Variants in UBA6 observed in about 807,000 individuals in gnomAD.
The protein encoded by UBA6 is ubiquitin like modifier activating enzyme 6.
In UBA6, 87 loss-of-function variants were observed where a neutral mutation model predicts 148.3. The ratio of observed to expected loss-of-function variants is 0.59; its 90% confidence interval spans 0.49 to 0.70. The LOEUF is 0.70. Among genes scored for constraint, UBA6 ranks in the 30% least tolerant of loss-of-function variants. UBA6 has a pLI of 0.00. For synonymous variants in UBA6, 376 were observed against 401.0 expected, an observed-to-expected ratio of 0.94 and a Z score of 0.75; for missense variants, 1,186 against 1,241.2, an observed-to-expected ratio of 0.96 and a Z score of 0.67.
At chr4:67,682,704 G>GT (rs1048867319) in intron 2 of UBA6, among the ~76,000 whole-genome samples, 3 of 152,154 alleles carry the variant, frequency 2.0e-5, no homozygotes, top group Non-Finnish European at 4.4e-5. Context: ...CCACAAGGTA[G>GT]TAACAGGATG....
chr4:67,683,760 T>C (rs1730495362), intron 2 of UBA6, among the ~76,000 whole-genome samples: 1 of 152,064 alleles, frequency 6.6e-6, no homozygotes, highest in South Asian at 2.1e-4. Flanking sequence ...CATTAGACAG[T>C]GCCAAACTGT....
intron 2 of UBA6, among the ~76,000 whole-genome samples, chr4:67,694,824 A>AG (rs1730793952): frequency 6.6e-6 from 1 of 152,214 alleles, no homozygotes. Flanking sequence ...CAAATTCTTA[A>AG]GGAAGATATT....
intron 14 of UBA6, among the ~76,000 whole-genome samples, chr4:67,648,191 G>A (rs971873609): frequency 9.2e-5 from 14 of 151,762 alleles, no homozygotes; most frequent in South Asian, 2.1e-4. Context: ...AAAATGAGCC[G>A]GGCGCAGTGG....
chr4:67,677,699 A>G lies in UBA6; in HGVS notation c.377T>C (p.Ile126Thr). 4 of 1,599,512 alleles carry G rather than the reference A, an allele frequency of 2.5e-6. No homozygotes were observed. Among genetic ancestry groups the G allele is most frequent in the Non-Finnish European group, 3.4e-6 (4 of 1,169,270 alleles). Residue 126 changes from isoleucine to threonine, a missense_variant, in exon 6 of 33, where the codon ATT becomes ACT. Physicochemically the swap from Ile to Thr is moderately conservative, Grantham distance 89. Transcript: ENST00000322244. ...RNRAEAVLKH[I>T]AELNPYVHVT... ...ATGAACGTATGGATTTAGTTCTGCA[A>G]TATGTTTAAGTACAGCTTCAGCCCT...
intron 2 of UBA6, among the ~76,000 whole-genome samples, chr4:67,691,416 GTAA>G (rs1213858536): frequency 2.0e-5 from 3 of 152,160 alleles, no homozygotes; most frequent in Non-Finnish European, 4.4e-5. Flanking sequence ...CTGCACTACT[GTAA>G]TAATTTTGTA....
At chr4:67,673,619 A>G in intron 7 of UBA6, 78 bp downstream of exon 7, 1 of 874,378 alleles carries the variant, frequency 1.1e-6, no homozygotes, top group South Asian at 1.6e-5. Flanking sequence ...TATATAACCC[A>G]TCAATGAGTT....
intron 28 of UBA6, 67 bp downstream of exon 28, chr4:67,626,293 G>T: frequency 1.2e-6 from 1 of 865,128 alleles, no homozygotes; most frequent in Non-Finnish European, 1.9e-6. Flanking sequence ...CAAATTCTTA[G>T]GTGTAGAGCT....
At chr4:67,639,885 C>A (rs1479128646) in intron 18 of UBA6, among the ~76,000 whole-genome samples, 1 of 152,174 alleles carries the variant, frequency 6.6e-6, no homozygotes, top group Non-Finnish European at 1.5e-5. Context: ...CTGTACTCAC[C>A]TATTTTCAGA....
chr4:67,629,372 T>C (rs1728945445), intron 26 of UBA6, among the ~76,000 whole-genome samples: 4 of 151,902 alleles, frequency 2.6e-5, no homozygotes, highest in Admixed American at 2.6e-4. Context: ...GTCAACAAAC[T>C]TGAAATTTTA....
intron 13 of UBA6, among the ~76,000 whole-genome samples, chr4:67,657,940 A>T (rs1447421449): frequency 1.3e-5 from 2 of 152,226 alleles, no homozygotes; most frequent in Non-Finnish European, 2.9e-5. Flanking sequence ...AGACACATGC[A>T]AAAATGCTCA....
chr4:67,685,603 G>C (rs1007657632), intron 2 of UBA6, among the ~76,000 whole-genome samples: 3 of 152,194 alleles, frequency 2.0e-5, no homozygotes, highest in African/African-American at 7.2e-5. Context: ...GTTTCCCGGA[G>C]TTTGTGTGTT....
At chr4:67,646,315 C>T (rs1222964765) in intron 15 of UBA6, among the ~76,000 whole-genome samples, 1 of 152,054 alleles carries the variant, frequency 6.6e-6, no homozygotes, top group Non-Finnish European at 1.5e-5. Context: ...TACGGATGGG[C>T]TTTGGAGCTG....
chr4:67,623,250 A>T (rs530453371), intron 30 of UBA6, 28 bp from the exon 31 acceptor site: 1 of 1,566,292 alleles, frequency 6.4e-7, no homozygotes, highest in South Asian at 1.1e-5. Context: ...TCAGAACAGA[A>T]ACATTGAAAT....
chr4:67,645,249 G>A (rs188317564), intron 16 of UBA6, among the ~76,000 whole-genome samples: 100 of 152,258 alleles, frequency 6.6e-4, no homozygotes, highest in African/African-American at 2.3e-3. Flanking sequence ...AAATGGCAGG[G>A]AGAGTTGTTT....
rs749380663 is a variant in UBA6, at chr4:67,623,143, C to T, written c.2920G>A (p.Ala974Thr). The T allele has an allele frequency of 6.2e-7, 1 of 1,611,060 alleles. No individual in the cohort carries two copies. The highest frequency in any genetic ancestry group is 8.5e-7 in the Non-Finnish European group (1 of 1,177,826). Residue 974 changes from alanine to threonine, a missense_variant, in exon 31 of 33, where the codon GCA becomes ACA. Transcript: ENST00000322244. ...GAACAAAAGTATCTCACTTTGACTG[C>T]ATTTATGAAATCCAAGAGGGTGAAA... ...EDFTLLDFINAVKEKYGIEPT... is the reference protein window; with the variant it reads ...EDFTLLDFINTVKEKYGIEPT...
At chr4:67,639,495 T>C (rs995936582) in intron 18 of UBA6, among the ~76,000 whole-genome samples, 3 of 152,178 alleles carry the variant, frequency 2.0e-5, no homozygotes, top group African/African-American at 7.2e-5. Flanking sequence ...CAGTAAAACA[T>C]TGGAAATCAA....
rs906147819 is a variant in UBA6 at position 67,618,695 on chromosome 4, T to A, written c.*302A>T. 2.7e-5 allele frequency: 6 copies of A among 223,358 alleles called. No homozygotes were observed. The highest frequency in any genetic ancestry group is 5.2e-5 in the Non-Finnish European group (6 of 115,248). 13.8% of individuals were successfully genotyped at this position (223,358 alleles called of 1,614,324 possible). Reference sequence around the variant, plus strand: ...CCATATCTGTTCTGGTCATACATATTTTTTCCTTCTTTTTATCCAGAGAGA... The same window carrying A: ...CCATATCTGTTCTGGTCATACATATATTTTCCTTCTTTTTATCCAGAGAGA... On this transcript the variant is annotated 3_prime_UTR_variant, in exon 33 of 33. Transcript: ENST00000322244.
chr4:67,647,877 G>A (rs552271316), intron 14 of UBA6, among the ~76,000 whole-genome samples: 2 of 150,018 alleles, frequency 1.3e-5, no homozygotes, highest in Admixed American at 6.6e-5. Context: ...AGGTTCAAGC[G>A]ATTCTCCTGC....
rs879004353 is a variant in UBA6, at chr4:67,673,891, T to C, written c.466-114A>G. 8.6e-6 allele frequency: 5 copies of C among 578,884 alleles called. No individual in the cohort carries two copies. The South Asian group carries it at 1.1e-4, about 13-fold the overall frequency. 35.9% of individuals were successfully genotyped at this position (578,884 alleles called of 1,614,324 possible). ...TGCTAAAGACACATCGCTAATCTCA[T>C]TGAAAAGTTATAATCCTACGGAATT... On this transcript the variant is annotated intron_variant, in intron 6 of 32. Transcript: ENST00000322244.
Sources: gnomAD v4.1 joint callset for allele counts (sites outside exome capture counted in the v4.1 genomes callset) on GRCh38, gnomAD v4.1.1 for gene constraint, MANE v1.5 for transcripts, NCBI Gene and HGNC (gene_info 2026-07-23, HGNC 2026-07-21) for gene names.